The following CHRM3 variants were observed in gnomAD, a reference collection of about 807,000 sequenced individuals.
CHRM3 encodes muscarinic acetylcholine receptor M3.
CHRM3 carries 11 observed loss-of-function variants against 41.8 expected under a neutral mutation model. That is an observed-to-expected ratio of 0.26 (90% CI 0.17 to 0.44). The LOEUF (loss-of-function observed/expected upper bound fraction) is 0.44, where lower values mean the gene tolerates loss of function less well. Among genes scored for constraint, CHRM3 ranks in the 20% least tolerant of loss-of-function variants. The pLI, the probability that CHRM3 is intolerant of heterozygous loss-of-function variation, is 1.00. For missense variants in CHRM3, 571 were observed against 745.4 expected, an observed-to-expected ratio of 0.77 and a Z score of 2.72; for synonymous variants, 297 against 301.4, an observed-to-expected ratio of 0.99 and a Z score of 0.15.
intron 6 of CHRM3, among the ~76,000 whole-genome samples, chr1:239,873,569 A>G (rs1381016203): frequency 6.7e-6 from 1 of 149,592 alleles, no homozygotes; most frequent in East Asian, 2.0e-4. Context: ...TTCAACTCCC[A>G]TTTACAAGTG....
chr1:239,833,711 C>G (rs1282369910), intron 6 of CHRM3, among the ~76,000 whole-genome samples: 3 of 152,170 alleles, frequency 2.0e-5, no homozygotes, highest in Non-Finnish European at 4.4e-5. Flanking sequence ...AACAGATTCC[C>G]TGGTGGAGTC....
At chr1:239,726,688 G>T (rs1030788797) in intron 5 of CHRM3, among the ~76,000 whole-genome samples, 2 of 151,864 alleles carry the variant, frequency 1.3e-5, no homozygotes, top group Non-Finnish European at 2.9e-5. Context: ...GTTTTCTGCT[G>T]AATGTAAAAT....
chr1:239,773,464 T>C (rs994176618), intron 5 of CHRM3, among the ~76,000 whole-genome samples: 2 of 152,322 alleles, frequency 1.3e-5, no homozygotes, highest in East Asian at 3.9e-4. Flanking sequence ...GAGAACAGCC[T>C]CTTTCCATCT....
chr1:239,513,993 A>G (rs907235423), intron 2 of CHRM3, among the ~76,000 whole-genome samples: 1 of 151,990 alleles, frequency 6.6e-6, no homozygotes, highest in Admixed American at 6.6e-5. Flanking sequence ...CTTTTGATCA[A>G]TTTATCTAGT....
chr1:239,792,111 C>T (rs1669401872), intron 5 of CHRM3, among the ~76,000 whole-genome samples: 1 of 152,154 alleles, frequency 6.6e-6, no homozygotes, highest in African/African-American at 2.4e-5. Context: ...GTCTTCCAGG[C>T]TCTCTCTGAG....
chr1:239,451,389 G>A (rs978512799), intron 1 of CHRM3, among the ~76,000 whole-genome samples: 2 of 152,146 alleles, frequency 1.3e-5, no homozygotes, highest in South Asian at 4.1e-4. Context: ...AGAAGAGATG[G>A]ATCAGGTCAA....
chr1:239,637,260 C>G (rs746499978), intron 4 of CHRM3, among the ~76,000 whole-genome samples: 3 of 151,906 alleles, frequency 2.0e-5, no homozygotes, highest in Non-Finnish European at 2.9e-5. Context: ...ACTAAATATT[C>G]TTTTTAAACA....
chr1:239,567,077 G>T (rs1182801548), intron 3 of CHRM3, among the ~76,000 whole-genome samples: 1 of 152,042 alleles, frequency 6.6e-6, no homozygotes, highest in African/African-American at 2.4e-5. Flanking sequence ...TTTTATGATT[G>T]CTCTTTCCAA....
chr1:239,767,307 T>C (rs1558102767), intron 5 of CHRM3, among the ~76,000 whole-genome samples: 1 of 152,276 alleles, frequency 6.6e-6, no homozygotes, highest in African/African-American at 2.4e-5. Context: ...CTTAGAAATA[T>C]AAACTTTCAG....
chr1:239,752,531 A>C lies in CHRM3; in HGVS notation c.-147+74243A>C, dbSNP rs1239120751. Among the ~76,000 whole-genome samples, 4 of 152,216 alleles carry C rather than the reference A, an allele frequency of 2.6e-5. No homozygotes were observed. The East Asian group carries it at 7.7e-4, about 29-fold the overall frequency. On this transcript the variant is annotated intron_variant, in intron 5 of 6. Transcript: ENST00000676153. The stretch of plus-strand genomic sequence containing the variant: ...GGTTTCCAGTTCTCAATGTTATAGA[A>C]TTACATAATATTAGCTTGTTAGCAA...
At chr1:239,779,261 T>C (rs1235246118) in intron 5 of CHRM3, among the ~76,000 whole-genome samples, 1 of 152,176 alleles carries the variant, frequency 6.6e-6, no homozygotes, top group African/African-American at 2.4e-5. Context: ...CTCCCCTGTT[T>C]TCAGCATCCC....
At chr1:239,705,228 A>G (rs1233577679) in intron 5 of CHRM3, 1 of 152,214 alleles carries the variant, frequency 6.6e-6, no homozygotes, top group African/African-American at 2.4e-5. Flanking sequence ...ATGAAAAGAA[A>G]AAAGTATGGA....
At chr1:239,892,120 T>G (rs1006397097) in intron 6 of CHRM3, among the ~76,000 whole-genome samples, 15 of 152,342 alleles carry the variant, frequency 9.8e-5, no homozygotes, top group African/African-American at 3.6e-4. Context: ...GGATTCACAC[T>G]GTTTTGTGTG....
At chr1:239,388,033 G>T (rs966784189) in intron 1 of CHRM3, among the ~76,000 whole-genome samples, 3 of 152,190 alleles carry the variant, frequency 2.0e-5, no homozygotes, top group Non-Finnish European at 4.4e-5. Flanking sequence ...CTACTTCGCG[G>T]TGTGCGTGCT....
At chr1:239,859,819 T>TTA (rs55700294) in intron 6 of CHRM3, among the ~76,000 whole-genome samples, 2,996 of 131,252 alleles carry the variant, frequency 0.023, 57 homozygotes, top group East Asian at 0.047. Flanking sequence ...TCTAAGTGTT[T>TTA]TATATATATA....
chr1:239,762,498 G>T (rs1666880349), intron 5 of CHRM3, among the ~76,000 whole-genome samples: 1 of 152,110 alleles, frequency 6.6e-6, no homozygotes, highest in Middle Eastern at 3.2e-3. Context: ...TGCTCCAAGG[G>T]TATTTATAAC....
chr1:239,541,220 T>G (rs1478432034), intron 2 of CHRM3, among the ~76,000 whole-genome samples: 1 of 152,050 alleles, frequency 6.6e-6, no homozygotes, highest in East Asian at 1.9e-4. Context: ...CTAATATCTG[T>G]GTGACTTTAG....
intron 5 of CHRM3, among the ~76,000 whole-genome samples, chr1:239,711,378 C>T (rs903858517): frequency 2.6e-5 from 4 of 152,060 alleles, no homozygotes; most frequent in African/African-American, 9.7e-5. Flanking sequence ...AGTGTCTGCA[C>T]TCCTCTTTCC....
intron 5 of CHRM3, among the ~76,000 whole-genome samples, chr1:239,822,115 G>T (rs1377950499): frequency 6.6e-6 from 1 of 152,154 alleles, no homozygotes; most frequent in Non-Finnish European, 1.5e-5. Flanking sequence ...AGCAGTGTGA[G>T]AACAGACTAG....
Sources: allele counts gnomAD v4.1 joint callset (sites outside exome capture counted in the v4.1 genomes callset), GRCh38; gene constraint gnomAD v4.1.1; transcripts MANE v1.5; gene names NCBI Gene and HGNC (gene_info 2026-07-23, HGNC 2026-07-21).